The following TPRG1 variants were observed in gnomAD, a reference collection of about 807,000 sequenced individuals.
TPRG1 encodes the protein tumor protein p63-regulated gene 1 protein.
TPRG1 carries 29 observed loss-of-function variants against 29.3 expected under a neutral mutation model. The observed-to-expected ratio is 0.99, with a 90% confidence interval of 0.74 to 1.35. TPRG1 has a LOEUF of 1.35. Ranked by LOEUF, TPRG1 falls within the 40% of genes most tolerant of loss-of-function variation. The pLI, the probability that TPRG1 is intolerant of heterozygous loss-of-function variation, is 0.00. For missense variants in TPRG1, 327 were observed against 335.0 expected (o/e 0.98, Z 0.19); for synonymous variants, 130 against 116.8 (o/e 1.11, Z -0.73).
chr3:189,118,533 C>T (rs184422357), intron 1 of TPRG1, among the ~76,000 whole-genome samples: 1 of 152,266 alleles, frequency 6.6e-6, no homozygotes, highest in East Asian at 1.9e-4. Flanking sequence ...AGCAGCCCCA[C>T]CTGTCACAGG....
intron 2 of TPRG1, among the ~76,000 whole-genome samples, chr3:189,209,613 A>G (rs935912768): frequency 2.6e-5 from 4 of 152,144 alleles, no homozygotes; most frequent in Non-Finnish European, 5.9e-5. Context: ...AGAAAAATGA[A>G]GTGACCTGTC....
chr3:189,069,717 T>C (rs1716691182), intron 4 of TPRG1, among the ~76,000 whole-genome samples: 1 of 152,176 alleles, frequency 6.6e-6, no homozygotes, highest in African/African-American at 2.4e-5. Context: ...TTCTTCATAA[T>C]AGCCCCAATC....
At chr3:189,117,395 C>T (rs1048823266) in intron 1 of TPRG1, among the ~76,000 whole-genome samples, 5 of 152,178 alleles carry the variant, frequency 3.3e-5, no homozygotes, top group Non-Finnish European at 7.3e-5. Context: ...AGTTTATTCC[C>T]TCACACTTCC....
intron 4 of TPRG1, among the ~76,000 whole-genome samples, chr3:189,045,629 T>A (rs1194946853): frequency 6.6e-6 from 1 of 152,254 alleles, no homozygotes; most frequent in Non-Finnish European, 1.5e-5. Flanking sequence ...TGGTACAGAA[T>A]AACTATCTGC....
intron 5 of TPRG1, among the ~76,000 whole-genome samples, chr3:189,165,083 A>G (rs1486446516): frequency 1.3e-5 from 2 of 152,174 alleles, no homozygotes; most frequent in African/African-American, 4.8e-5. Flanking sequence ...TTTCATGTGT[A>G]GTAAGTCAGC....
chr3:189,203,761 G>A (rs1439072383), intron 1 of TPRG1, among the ~76,000 whole-genome samples: 3 of 152,128 alleles, frequency 2.0e-5, no homozygotes, highest in East Asian at 3.9e-4. Flanking sequence ...ATGAACATTG[G>A]CTGGGCAAGG....
intron 4 of TPRG1, among the ~76,000 whole-genome samples, chr3:189,057,763 T>TATATATATATAC (rs1289291350): frequency 1.4e-5 from 2 of 145,616 alleles, no homozygotes; most frequent in South Asian, 4.3e-4. Flanking sequence ...TATATATATA[T>TATATATATATAC]ACACACACAT....
rs1724631300 is a variant in TPRG1 at position 189,325,301 on chromosome 3, C to T, written c.*4481C>T. ...ATAAAGTCATGAGACTGCTTCTCAA[C>T]CTAGACCTTGTATCTCGTGTGCTAT... On this transcript the variant is annotated 3_prime_UTR_variant, in exon 6 of 6. Transcript: ENST00000345063. The T allele has an allele frequency of 6.6e-6, 1 of 150,498 alleles. No individual in the cohort carries two copies. Among genetic ancestry groups the T allele is most frequent in the Admixed American group, 6.7e-5 (1 of 14,982 alleles). The allele number at this position is 150,498 out of a possible 1,614,324, so 9.3% of individuals were successfully genotyped here.
chr3:189,167,430 G>T (rs1270448650), upstream of TPRG1, among the ~76,000 whole-genome samples: 1 of 152,222 alleles, frequency 6.6e-6, no homozygotes, highest in African/African-American at 2.4e-5. Context: ...GGCTGGCAAA[G>T]TACACCCTTG....
intron 3 of TPRG1, among the ~76,000 whole-genome samples, chr3:189,016,159 T>G (rs562550172): frequency 4.1e-4 from 63 of 152,222 alleles, no homozygotes; most frequent in Middle Eastern, 3.4e-3. Flanking sequence ...AACCCATCCC[T>G]GGCATCAATG....
intron 4 of TPRG1, among the ~76,000 whole-genome samples, chr3:189,298,342 T>G (rs1259207864): frequency 6.6e-6 from 1 of 152,216 alleles, no homozygotes; most frequent in East Asian, 1.9e-4. Flanking sequence ...AGGGTTCTGT[T>G]AAAGAAATGC....
chr3:189,025,003 A>G (rs949128331), intron 4 of TPRG1, among the ~76,000 whole-genome samples: 1 of 152,194 alleles, frequency 6.6e-6, no homozygotes, highest in Non-Finnish European at 1.5e-5. Context: ...GGTGCTATGG[A>G]AGTGGGTCCT....
At chr3:189,285,305 G>C (rs987005388) in intron 4 of TPRG1, among the ~76,000 whole-genome samples, 4 of 152,164 alleles carry the variant, frequency 2.6e-5, no homozygotes, top group African/African-American at 9.7e-5. Context: ...GCCTTCACTT[G>C]TGAATGTTTC....
intron 4 of TPRG1, among the ~76,000 whole-genome samples, chr3:189,078,066 C>CCTTCCTTCCT (rs1717314201): frequency 3.3e-5 from 3 of 92,278 alleles, no homozygotes; most frequent in African/African-American, 9.3e-5. Context: ...CTTCCTTTCT[C>CCTTCCTTCCT]TCCTTTCTCT....
chr3:189,017,205 CTT>C (rs60175852), intron 3 of TPRG1, among the ~76,000 whole-genome samples: 118 of 145,232 alleles, frequency 8.1e-4, no homozygotes, highest in Middle Eastern at 7.1e-3. Context: ...CTCTGAGATT[CTT>C]TTTTTTTTTA....
intron 4 of TPRG1, among the ~76,000 whole-genome samples, chr3:189,033,149 A>G (rs1361448454): frequency 1.3e-5 from 2 of 152,166 alleles, no homozygotes; most frequent in African/African-American, 2.4e-5. Flanking sequence ...TCACATGACC[A>G]TGCCTTAAGT....
chr3:189,110,733 A>G (rs150479440), intron 1 of TPRG1, among the ~76,000 whole-genome samples: 27 of 152,098 alleles, frequency 1.8e-4, no homozygotes, highest in African/African-American at 5.8e-4. Context: ...TTAAGTTTTT[A>G]TAAGGTACAA....
At chr3:189,157,951 A>G (rs116516263) in intron 5 of TPRG1, among the ~76,000 whole-genome samples, 2,029 of 152,306 alleles carry the variant, frequency 0.013, 41 homozygotes, top group African/African-American at 0.047. Context: ...GAAGACTTAA[A>G]TAAATAAGCA....
chr3:189,155,721 GAA>G (rs1314931456), intron 5 of TPRG1, among the ~76,000 whole-genome samples: 1 of 152,196 alleles, frequency 6.6e-6, no homozygotes, highest in African/African-American at 2.4e-5. Flanking sequence ...ATGCTAAGTG[GAA>G]TAAGCCAAGC....
Sources: gnomAD v4.1 joint callset for allele counts (sites outside exome capture counted in the v4.1 genomes callset) on GRCh38, gnomAD v4.1.1 for gene constraint, MANE v1.5 for transcripts, NCBI Gene and HGNC (gene_info 2026-07-23, HGNC 2026-07-21) for gene names.